RNF130: variants seen among roughly 807,000 people sequenced by gnomAD.
RNF130 encodes ring finger protein 130.
In RNF130, 21 loss-of-function variants were observed where a neutral mutation model predicts 44.6. That is an observed-to-expected ratio of 0.47 (90% CI 0.33 to 0.68). The LOEUF is 0.68. RNF130 is among the 30% of genes least tolerant of loss of function. RNF130 has a pLI of 0.02. For missense variants in RNF130, 479 were observed against 560.6 expected (o/e 0.85, Z 1.47); for synonymous variants, 214 against 210.4 (o/e 1.02, Z -0.15).
At chr5:179,922,008 G>A (rs550881262) in intron 7 of RNF130, among the ~76,000 whole-genome samples, 9 of 151,590 alleles carry the variant, frequency 5.9e-5, no homozygotes, top group Non-Finnish European at 1.3e-4. Flanking sequence ...GTGACAGAGT[G>A]AGACTCCGTC....
chr5:179,981,895 T>C (rs6859628), intron 3 of RNF130, among the ~76,000 whole-genome samples: 1,825 of 152,244 alleles, frequency 0.012, 32 homozygotes, highest in African/African-American at 0.042. Flanking sequence ...TGACTTAAAA[T>C]AGACTGCATA....
chr5:180,032,529 C>A (rs1457827949), intron 2 of RNF130, among the ~76,000 whole-genome samples: 6 of 152,090 alleles, frequency 3.9e-5, no homozygotes, highest in Non-Finnish European at 8.8e-5. Context: ...AGCCACGAGG[C>A]CCGGCTTCTT....
At chr5:179,923,844 T>C (rs1253054666) in intron 7 of RNF130, among the ~76,000 whole-genome samples, 2 of 152,344 alleles carry the variant, frequency 1.3e-5, no homozygotes, top group East Asian at 1.9e-4. Context: ...ACTAACACCA[T>C]ATTGTCTTGA....
intron 3 of RNF130, among the ~76,000 whole-genome samples, chr5:180,009,272 T>C (rs1176701500): frequency 1.3e-5 from 2 of 152,126 alleles, no homozygotes; most frequent in Non-Finnish European, 2.9e-5. Context: ...AATTAGAAAT[T>C]TTTGCTTTTC....
At position 179,990,973 on chromosome 5, in the gene RNF130, G is replaced by A. The variant is rs569159912; in HGVS notation, c.694-10773C>T. 1.1e-4 allele frequency among the ~76,000 whole-genome samples: 16 copies of A among 152,166 alleles called. No homozygotes were observed. In the South Asian group the frequency reaches 2.9e-3, roughly 28 times the overall value. ...TTATTTTATAATATTGGAATAGCTC[G>A]TGCCCTCGGTCTCTTGCCTCGGCAC... On this transcript the variant is annotated intron_variant, in intron 3 of 8. Transcript: ENST00000521389.
intron 1 of RNF130, among the ~76,000 whole-genome samples, chr5:180,068,634 T>G (rs548774830): frequency 1.3e-5 from 2 of 152,352 alleles, no homozygotes; most frequent in South Asian, 4.1e-4. Flanking sequence ...ATTCAGAAAT[T>G]CACACGTGCC....
At position 180,061,512 on chromosome 5, in the gene RNF130, C is replaced by T. The variant is rs548554304; in HGVS notation, c.247+9944G>A. On this transcript the variant is annotated intron_variant, in intron 1 of 8. Coordinates refer to ENST00000521389, the MANE Select transcript of RNF130 (RefSeq NM_018434.6). ...AGTCTGGTGTGAGCAGGGCTGATTC[C>T]TACTGGAGGCTCAAGGGAAAAACCA... Among the ~76,000 whole-genome samples, 395 of 152,310 alleles carry T rather than the reference C, an allele frequency of 2.6e-3. 1 individual carries two copies. Among genetic ancestry groups the T allele is most frequent in the Non-Finnish European group, 4.6e-3 (312 of 68,012 alleles).
intron 1 of RNF130, among the ~76,000 whole-genome samples, chr5:180,042,019 G>C (rs1233595711): frequency 6.6e-6 from 1 of 152,098 alleles, no homozygotes; most frequent in Non-Finnish European, 1.5e-5. Context: ...CTCCAGCCTG[G>C]GTGATAGAAC....
intron 1 of RNF130, among the ~76,000 whole-genome samples, chr5:180,045,191 GA>G (rs1764528476): frequency 6.6e-6 from 1 of 152,194 alleles, no homozygotes; most frequent in Admixed American, 6.5e-5. Context: ...AGAAGGAGAA[GA>G]ATATTCAGGT....
chr5:179,941,950 A>C (rs898985913), intron 7 of RNF130, among the ~76,000 whole-genome samples: 2 of 152,114 alleles, frequency 1.3e-5, no homozygotes, highest in Non-Finnish European at 2.9e-5. Flanking sequence ...AAAACATAAG[A>C]ATCTCATTAT....
chr5:180,008,397 C>T (rs1157359103), intron 3 of RNF130, among the ~76,000 whole-genome samples: 4 of 152,160 alleles, frequency 2.6e-5, no homozygotes, highest in African/African-American at 9.7e-5. Flanking sequence ...GCTGTGCCCA[C>T]TGGTCTAATT....
At chr5:179,994,308 G>T (rs1763155574) in intron 3 of RNF130, among the ~76,000 whole-genome samples, 1 of 152,136 alleles carries the variant, frequency 6.6e-6, no homozygotes, top group Non-Finnish European at 1.5e-5. Flanking sequence ...TGGGCAGTAT[G>T]GCCATTTTCA....
At chr5:179,933,910 G>A in intron 7 of RNF130, 1 of 607,128 alleles carries the variant, frequency 1.6e-6, no homozygotes, top group Non-Finnish European at 3.0e-6. Flanking sequence ...CAAACTGTCA[G>A]AATGGGAGCA....
At chr5:180,069,822 A>G (rs1765203632) in intron 1 of RNF130, among the ~76,000 whole-genome samples, 1 of 152,196 alleles carries the variant, frequency 6.6e-6, no homozygotes, top group African/African-American at 2.4e-5. Flanking sequence ...ATCTTCATCC[A>G]TACCTCAATA....
At chr5:179,945,699 G>A (rs1043796164) in intron 7 of RNF130, among the ~76,000 whole-genome samples, 1 of 152,126 alleles carries the variant, frequency 6.6e-6, no homozygotes, top group African/African-American at 2.4e-5. Flanking sequence ...AGACTCCAGA[G>A]GGACAATGGA....
chr5:179,965,540 T>C (rs751658805), intron 7 of RNF130, among the ~76,000 whole-genome samples: 7 of 152,240 alleles, frequency 4.6e-5, no homozygotes, highest in Non-Finnish European at 7.3e-5. Context: ...AGGTGCTCAA[T>C]AAATGTTTGA....
chr5:180,019,310 G>A (rs987125255), intron 2 of RNF130, among the ~76,000 whole-genome samples: 1 of 151,928 alleles, frequency 6.6e-6, no homozygotes. Context: ...CATGAACCCG[G>A]GAGGCGGAGC....
At chr5:179,974,000 C>G (rs1263257975) in intron 5 of RNF130, among the ~76,000 whole-genome samples, 2 of 152,144 alleles carry the variant, frequency 1.3e-5, no homozygotes, top group Non-Finnish European at 2.9e-5. Flanking sequence ...CCCACACATG[C>G]CATGAACTAG....
chr5:179,966,420 C>T (rs902246401), intron 7 of RNF130, among the ~76,000 whole-genome samples: 7 of 152,146 alleles, frequency 4.6e-5, no homozygotes, highest in Admixed American at 4.6e-4. Context: ...CCTGTAGCCC[C>T]GGAGGTGGAG....
Sources: gnomAD v4.1 joint callset for allele counts (sites outside exome capture counted in the v4.1 genomes callset) on GRCh38, gnomAD v4.1.1 for gene constraint, MANE v1.5 for transcripts, NCBI Gene and HGNC (gene_info 2026-07-23, HGNC 2026-07-21) for gene names.